TFB1M: variants seen among roughly 807,000 people sequenced by gnomAD.
The protein encoded by TFB1M is transcription factor B1, mitochondrial.
In TFB1M, 27 loss-of-function variants were observed where a neutral mutation model predicts 31.1. That is an observed-to-expected ratio of 0.87 (90% CI 0.64 to 1.20). The LOEUF is 1.20. Ranked by LOEUF, TFB1M falls within the 50% of genes most tolerant of loss-of-function variation. The pLI is 0.00. For missense variants in TFB1M, 394 were observed against 418.7 expected (o/e 0.94, Z 0.51); for synonymous variants, 166 against 151.8 (o/e 1.09, Z -0.69).
At chr6:155,250,677 A>G in the TFB1M span, 2 of 1,480,896 alleles carry the variant, frequency 1.4e-6, no homozygotes, top group Non-Finnish European at 9.1e-7. Context: ...TCTCACCTAC[A>G]TGTGCGTGCA....
intron 1 of TFB1M, among the ~76,000 whole-genome samples, chr6:155,311,662 G>A (rs1168772907): frequency 1.1e-4 from 17 of 152,142 alleles, no homozygotes; most frequent in Non-Finnish European, 5.9e-5. Flanking sequence ...GAAACCAACC[G>A]ACTCCTAAGA....
intron 1 of TFB1M, among the ~76,000 whole-genome samples, chr6:155,312,963 A>G (rs181327238): frequency 1.3e-5 from 2 of 152,208 alleles, no homozygotes; most frequent in African/African-American, 2.4e-5. Flanking sequence ...AAGATGAGGA[A>G]ACTACTGGAC....
intron 5 of TFB1M, among the ~76,000 whole-genome samples, chr6:155,273,873 G>A (rs1426793944): frequency 1.3e-5 from 2 of 152,088 alleles, no homozygotes; most frequent in African/African-American, 4.8e-5. Context: ...AAGATTCTAT[G>A]AAAATAAATC....
At chr6:155,266,708 G>A (rs1386404604) in intron 5 of TFB1M, among the ~76,000 whole-genome samples, 5 of 152,016 alleles carry the variant, frequency 3.3e-5, no homozygotes, top group African/African-American at 9.6e-5. Flanking sequence ...TTAGCCAGGC[G>A]TGGTGGCGGC....
downstream of TFB1M, chr6:155,253,830 A>AT (rs1783829755): frequency 1.6e-6 from 1 of 615,932 alleles, no homozygotes; most frequent in Non-Finnish European, 2.8e-6. Flanking sequence ...AAAATCATAC[A>AT]TAGAACAAGC....
At chr6:155,298,734 T>C (rs1777295410) in intron 2 of TFB1M, 149 bp from the exon 3 acceptor site, 1 of 648,702 alleles carries the variant, frequency 1.5e-6, no homozygotes, top group Non-Finnish European at 2.8e-6. Flanking sequence ...TCACGTCTAT[T>C]GCAACAGACA....
At chr6:155,286,803 G>A (rs554055844) in intron 4 of TFB1M, among the ~76,000 whole-genome samples, 4 of 151,396 alleles carry the variant, frequency 2.6e-5, no homozygotes, top group South Asian at 4.2e-4. Flanking sequence ...AGAGCAAGAC[G>A]CCCTCCTCAA....
the TFB1M span, among the ~76,000 whole-genome samples, chr6:155,234,067 T>G: frequency 6.6e-6 from 1 of 152,194 alleles, no homozygotes; most frequent in Non-Finnish European, 1.5e-5. Context: ...AAAAAATGTT[T>G]TTATTTAATC....
At chr6:155,248,183 A>AGGCGGCGGCGGCACCTCCG in the TFB1M span, 1 of 1,611,926 alleles carries the variant, frequency 6.2e-7, no homozygotes. Flanking sequence ...CTGACGGGTG[A>AGGCGGCGGCGGCACCTCCG]GGCGGCGGCG....
At chr6:155,254,048 A>C (rs1182180589), downstream of TFB1M, 3 of 1,614,016 alleles carry the variant, frequency 1.9e-6, no homozygotes, top group Non-Finnish European at 2.5e-6. Flanking sequence ...ACCATCTTTC[A>C]GTTGTGTTGC....
At chr6:155,258,455 AATC>A (rs1467091575) in intron 6 of TFB1M, among the ~76,000 whole-genome samples, 1 of 152,202 alleles carries the variant, frequency 6.6e-6, no homozygotes, top group Non-Finnish European at 1.5e-5. Context: ...TTGTGTGACA[AATC>A]ATCAGTTTTG....
In TFB1M at chr6:155,298,562, C is replaced by A; in HGVS notation, c.309G>T (p.Gly103=). 2 of 1,612,704 alleles carry A rather than the reference C, an allele frequency of 1.2e-6. No individual in the cohort carries two copies. Among genetic ancestry groups the A allele is most frequent in the Non-Finnish European group, 1.7e-6 (2 of 1,178,974 alleles). ...GLQMLSDAAP[G]KLRIVHGDVL... is the part of the protein sequence containing the mutation. ...CATCTCCATGAACAATTCTCAGTTTCCCAGGTGCTGCATCAGAAAGCATCT... is the reference window on the plus strand; with the variant it reads ...CATCTCCATGAACAATTCTCAGTTTACCAGGTGCTGCATCAGAAAGCATCT... Residue 103 remains glycine (G), a synonymous_variant, in exon 3 of 7, where the codon GGG becomes GGT. Transcript: ENST00000367166.
the TFB1M span, among the ~76,000 whole-genome samples, chr6:155,237,811 G>T: frequency 6.6e-6 from 1 of 152,204 alleles, no homozygotes; most frequent in Non-Finnish European, 1.5e-5. Context: ...GGGGACCCTG[G>T]GCTTGGCCCA....
Position 155,269,324 on chromosome 6 carries a change from C to CTTTTTTTTTTTTTTTTTTT in TFB1M, c.667-8925_667-8924insAAAAAAAAAAAAAAAAAAA, listed in dbSNP as rs60162262. 1.2e-4 allele frequency among the ~76,000 whole-genome samples: 15 copies of CTTTTTTTTTTTTTTTTTTT among 127,256 alleles called. 1 individual carries two copies. The highest frequency in any genetic ancestry group is 1.9e-4 in the Non-Finnish European group (12 of 62,252). 83.5% of individuals were successfully genotyped at this position (127,256 alleles called of 152,430 possible). On this transcript the variant is annotated intron_variant, in intron 5 of 6. Transcript: ENST00000367166. ...GCTTAGTTTTCTTTTCTTTTCTTTTCTTTTTTTTTTTTTTTGAGATGGAGT... is the reference window on the plus strand; with the variant it reads ...GCTTAGTTTTCTTTTCTTTTCTTTTCTTTTTTTTTTTTTTTTTTTTTTTTTTTTTTTTTTGAGATGGAGT...
chr6:155,281,551 G>A (rs776547602), intron 5 of TFB1M, among the ~76,000 whole-genome samples: 8 of 151,818 alleles, frequency 5.3e-5, no homozygotes, highest in Non-Finnish European at 1.2e-4. Flanking sequence ...GTGAAACCTC[G>A]TCTCTACTAA....
chr6:155,314,047 T>C (rs12527128), intron 1 of TFB1M: 109,092 of 1,370,312 alleles, frequency 0.08, 4,680 homozygotes, highest in Non-Finnish European at 0.087. Context: ...CCTAGGGAGC[T>C]TGGCATTTAT....
downstream of TFB1M, among the ~76,000 whole-genome samples, chr6:155,251,410 C>T (rs556419751): frequency 6.6e-6 from 1 of 152,304 alleles, no homozygotes; most frequent in East Asian, 1.9e-4. Flanking sequence ...CCTAAGCCTC[C>T]TGAGTAGCTG....
chr6:155,308,824 T>C (rs1777897423), intron 2 of TFB1M, among the ~76,000 whole-genome samples: 1 of 152,198 alleles, frequency 6.6e-6, no homozygotes, highest in African/African-American at 2.4e-5. Flanking sequence ...TAGAAATCAC[T>C]AAAATGGTAT....
chr6:155,262,537 CAA>C (rs1784437719), intron 5 of TFB1M, among the ~76,000 whole-genome samples: 2 of 152,182 alleles, frequency 1.3e-5, no homozygotes, highest in African/African-American at 4.8e-5. Flanking sequence ...CTCCCAGTGA[CAA>C]AGAGCCAATT....
Sources: allele counts gnomAD v4.1 joint callset (sites outside exome capture counted in the v4.1 genomes callset), GRCh38; gene constraint gnomAD v4.1.1; transcripts MANE v1.5; gene names NCBI Gene and HGNC (gene_info 2026-07-23, HGNC 2026-07-21).